The following FBXL7 variants were observed in gnomAD, a reference collection of about 807,000 sequenced individuals.
FBXL7 encodes the protein F-box and leucine rich repeat protein 7, also known as F-box/LRR-repeat protein 7.
In FBXL7, 12 loss-of-function variants were observed where a neutral mutation model predicts 38.3. That is an observed-to-expected ratio of 0.31 (90% confidence interval 0.20 to 0.51). The LOEUF (loss-of-function observed/expected upper bound fraction) is 0.51. FBXL7 is among the 20% of genes least tolerant of loss of function. The probability of loss-of-function intolerance (pLI) is 0.98; values close to 1 mark genes in which losing one functional copy is unlikely to be tolerated. For synonymous variants in FBXL7, 297 were observed against 300.9 expected (o/e 0.99, Z 0.13); for missense variants, 567 against 676.4 (o/e 0.84, Z 1.79).
chr5:15,667,294 T>G (rs1278526645), intron 2 of FBXL7, among the ~76,000 whole-genome samples: 1 of 152,180 alleles, frequency 6.6e-6, no homozygotes. Context: ...TCAGGCCAGT[T>G]TCATCTGATG....
chr5:15,650,222 A>G (rs1054094795), intron 2 of FBXL7, among the ~76,000 whole-genome samples: 9 of 152,254 alleles, frequency 5.9e-5, no homozygotes, highest in Non-Finnish European at 8.8e-5. Flanking sequence ...CCACCACAAT[A>G]AAGCAAGCCA....
At chr5:15,810,681 G>A (rs1258655570) in intron 2 of FBXL7, among the ~76,000 whole-genome samples, 1 of 151,994 alleles carries the variant, frequency 6.6e-6, no homozygotes, top group Non-Finnish European at 1.5e-5. Context: ...TCCATTGAAA[G>A]CTGTTATATT....
intron 1 of FBXL7, among the ~76,000 whole-genome samples, chr5:15,576,735 T>C (rs1424822167): frequency 6.6e-6 from 1 of 151,928 alleles, no homozygotes; most frequent in East Asian, 1.9e-4. Flanking sequence ...AACCATAAAG[T>C]TTAGATGAGG....
intron 1 of FBXL7, among the ~76,000 whole-genome samples, chr5:15,524,479 G>A (rs1302236446): frequency 6.6e-6 from 1 of 152,060 alleles, no homozygotes. Flanking sequence ...AATCAAAATG[G>A]TAACTGTCAT....
chr5:15,742,930 A>C (rs1735928835), intron 2 of FBXL7, among the ~76,000 whole-genome samples: 1 of 151,988 alleles, frequency 6.6e-6, no homozygotes, highest in South Asian at 2.1e-4. Context: ...CGAGGGAAAA[A>C]CCCCTTACAA....
At chr5:15,617,929 CA>C (rs1435520804) in intron 2 of FBXL7, among the ~76,000 whole-genome samples, 2 of 152,130 alleles carry the variant, frequency 1.3e-5, no homozygotes, top group African/African-American at 4.8e-5. Flanking sequence ...AAGTTAAAAG[CA>C]GGTTAAATAA....
intron 2 of FBXL7, among the ~76,000 whole-genome samples, chr5:15,675,857 T>A (rs554661544): frequency 6.6e-6 from 1 of 152,324 alleles, no homozygotes; most frequent in Non-Finnish European, 1.5e-5. Context: ...TGTTATTCCT[T>A]AATTATTTTT....
chr5:15,609,836 T>C (rs1740166764), intron 1 of FBXL7, among the ~76,000 whole-genome samples: 1 of 152,190 alleles, frequency 6.6e-6, no homozygotes, highest in African/African-American at 2.4e-5. Context: ...GGGACTGAGG[T>C]GACAGCAATT....
At chr5:15,756,382 C>T (rs896624888) in intron 2 of FBXL7, among the ~76,000 whole-genome samples, 2 of 152,060 alleles carry the variant, frequency 1.3e-5, no homozygotes, top group Admixed American at 6.5e-5. Context: ...GATAACAGAC[C>T]GGTTTTAAAA....
chr5:15,927,523 G>A (rs1373396004), intron 2 of FBXL7, among the ~76,000 whole-genome samples: 1 of 152,128 alleles, frequency 6.6e-6, no homozygotes, highest in Non-Finnish European at 1.5e-5. Context: ...TGTAATATCA[G>A]CATTTTGGTA....
intron 1 of FBXL7, among the ~76,000 whole-genome samples, chr5:15,533,964 CTTTA>C (rs914050311): frequency 2.4e-4 from 36 of 151,902 alleles, no homozygotes; most frequent in Admixed American, 2.1e-3. Context: ...TTTTTTGTCT[CTTTA>C]TTATTAAGTC....
chr5:15,880,995 G>A (rs369229209), intron 2 of FBXL7, among the ~76,000 whole-genome samples: 1 of 151,680 alleles, frequency 6.6e-6, no homozygotes, highest in Admixed American at 6.6e-5. Flanking sequence ...ACTTTCCCAA[G>A]CTATCTGATT....
chr5:15,889,192 G>A (rs1447241423), intron 2 of FBXL7, among the ~76,000 whole-genome samples: 1 of 152,100 alleles, frequency 6.6e-6, no homozygotes, highest in African/African-American at 2.4e-5. Context: ...ACCAATGCCT[G>A]GCCACAAGTT....
chr5:15,833,341 A>T (rs1738507432), intron 2 of FBXL7, among the ~76,000 whole-genome samples: 1 of 152,062 alleles, frequency 6.6e-6, no homozygotes, highest in Admixed American at 6.6e-5. Flanking sequence ...TGATAAGGGC[A>T]CTCGTCTCAT....
At chr5:15,865,666 C>T (rs1390071845) in intron 2 of FBXL7, among the ~76,000 whole-genome samples, 1 of 152,004 alleles carries the variant, frequency 6.6e-6, no homozygotes, top group African/African-American at 2.4e-5. Flanking sequence ...CTCCCCACCC[C>T]CACTTCTATT....
At chr5:15,615,531 T>C (rs560383142) in intron 1 of FBXL7, among the ~76,000 whole-genome samples, 4 of 152,240 alleles carry the variant, frequency 2.6e-5, no homozygotes, top group Non-Finnish European at 4.4e-5. Context: ...AGGGAATTCA[T>C]TTTTTGATGT....
chr5:15,615,883 T>C, intron 1 of FBXL7, 100 bp from the exon 2 acceptor site: 1 of 699,228 alleles, frequency 1.4e-6, no homozygotes. Flanking sequence ...AGCTGCTTTC[T>C]TGGAAACTGG....
intron 2 of FBXL7, among the ~76,000 whole-genome samples, chr5:15,616,339 G>C (rs2126519594): frequency 6.6e-6 from 1 of 152,224 alleles, no homozygotes; most frequent in African/African-American, 2.4e-5. Flanking sequence ...CTGAATTAAG[G>C]GAAGGCTTTA....
chr5:15,664,611 A>T (rs556269462), intron 2 of FBXL7, among the ~76,000 whole-genome samples: 22 of 151,116 alleles, frequency 1.5e-4, no homozygotes, highest in Non-Finnish European at 3.1e-4. Flanking sequence ...AGCTGGGATT[A>T]CAAGCAGGCG....
Sources: gnomAD v4.1 joint callset for allele counts (sites outside exome capture counted in the v4.1 genomes callset) on GRCh38, gnomAD v4.1.1 for gene constraint, MANE v1.5 for transcripts, NCBI Gene and HGNC (gene_info 2026-07-23, HGNC 2026-07-21) for gene names.